Variants in WIZ observed in about 807,000 individuals in gnomAD.
WIZ encodes the protein WIZ zinc finger.
Under a neutral mutation model 140.2 loss-of-function variants are expected in WIZ, and 25 were observed. That is an observed-to-expected ratio of 0.18 (90% confidence interval 0.13 to 0.25). The LOEUF (loss-of-function observed/expected upper bound fraction) is 0.25. Ranked by LOEUF, WIZ falls within the 10% of genes least tolerant of loss-of-function variation. The pLI, the probability that WIZ is intolerant of heterozygous loss-of-function variation, is 1.00. For synonymous variants in WIZ, 1,125 were observed against 1,154.3 expected (o/e 0.97, Z 0.51); for missense variants, 2,231 against 2,632.6 (o/e 0.85, Z 3.34).
At position 15,438,807 on chromosome 19, in the gene WIZ, C is replaced by T. The variant is rs61732028; in HGVS notation, c.2187G>A (p.Pro729=). 1.4e-5 allele frequency: 21 copies of T among 1,515,448 alleles called. No homozygotes were observed. Among genetic ancestry groups the T allele is most frequent in the Non-Finnish European group, 1.8e-5 (20 of 1,131,222 alleles). 93.9% of individuals were successfully genotyped at this position (1,515,448 alleles called of 1,614,324 possible). A position where few individuals can be genotyped will look rare whatever the true frequency, so the allele number is the denominator to read the frequency against. Residue 729 remains proline, a synonymous_variant, in exon 4 of 13, where the codon CCG becomes CCA. Transcript: ENST00000673675. ...FLLLDAPLGG[P]LGLDTLLDGD... The stretch of plus-strand genomic sequence containing the variant: ...CATCCAGGAGTGTGTCCAGCCCCAG[C>T]GGGCCGCCCAGCGGCGCGTCCAGGA...
intron 2 of WIZ, among the ~76,000 whole-genome samples, chr19:15,443,553 C>A (rs191723305): frequency 1.2e-4 from 19 of 152,336 alleles, no homozygotes; most frequent in African/African-American, 4.3e-4. Flanking sequence ...ACCTGCTATG[C>A]CTTCTGCCCA....
intron 6 of WIZ, 134 bp downstream of exon 6, chr19:15,430,878 C>A: frequency 1.7e-6 from 2 of 1,160,286 alleles, no homozygotes; most frequent in Non-Finnish European, 2.3e-6. Flanking sequence ...GAGTGCCAAC[C>A]TTGGTGCCTC....
rs1968961465 is a variant in WIZ, at chr19:15,428,018, C to G, written c.3814+92G>C. Reference sequence around the variant, plus strand: ...CCACTGCCAAGGGCCCCTGTCTACTCCCTGCCCCAGCAGGGAGGGGGCTGT... The same window carrying G: ...CCACTGCCAAGGGCCCCTGTCTACTGCCTGCCCCAGCAGGGAGGGGGCTGT... On this transcript the variant is annotated intron_variant, in intron 8 of 12. Transcript: ENST00000673675. This position sits in a 1 kb window ranked among gnomAD's most constrained non-coding sequence, Gnocchi z 6.4. The G allele has an allele frequency of 6.7e-7, 1 of 1,487,230 alleles. No homozygotes were observed. Among genetic ancestry groups the G allele is most frequent in the Non-Finnish European group, 8.9e-7 (1 of 1,124,922 alleles). 92.1% of individuals were successfully genotyped at this position (1,487,230 alleles called of 1,614,324 possible).
chr19:15,442,559 C>A lies in WIZ; in HGVS notation c.278+117G>T. 1 of 808,886 alleles carries A rather than the reference C, an allele frequency of 1.2e-6. No homozygotes were observed. 50.1% of individuals were successfully genotyped at this position (808,886 alleles called of 1,614,324 possible). A position where few individuals can be genotyped will look rare whatever the true frequency, so the allele number is the denominator to read the frequency against. On this transcript the variant is annotated intron_variant, in intron 3 of 12. Coordinates refer to ENST00000673675, the MANE Select transcript of WIZ (RefSeq NM_001371589.1). The surrounding 1 kb of genome is among the most constrained non-coding windows in gnomAD (Gnocchi z 5.5). ...TGCCGGGAGCTGACTCCTCCTCCTG[C>A]CTGGCCTCCTGATTCCCTCCTGTCC...
chr19:15,444,663 T>G (rs1599713254), intron 2 of WIZ, among the ~76,000 whole-genome samples: 2 of 152,042 alleles, frequency 1.3e-5, no homozygotes, highest in Non-Finnish European at 2.9e-5. Context: ...ATGGGGGTGT[T>G]GGAGAGGGCG....
At chr19:15,426,647 C>CAG (rs1968841263) in intron 9 of WIZ, among the ~76,000 whole-genome samples, 1 of 152,246 alleles carries the variant, frequency 6.6e-6, no homozygotes, top group Non-Finnish European at 1.5e-5. Context: ...CCCTACGCTC[C>CAG]TGCTGTAGCA....
chr19:15,439,215 C>T lies in WIZ; in HGVS notation c.1779G>A (p.Gln593=), dbSNP rs1348902933. ...STLASTPYSL[Q]LGRNKSTVHP... ...GGACGGTGCTTTTGTTTCTCCCGAGCTGTAAGGAGTAGGGGGTGGATGCTA... is the reference window on the plus strand; with the variant it reads ...GGACGGTGCTTTTGTTTCTCCCGAGTTGTAAGGAGTAGGGGGTGGATGCTA... The change falls in exon 4 of 13, where the codon CAG becomes CAA. Residue 593 remains glutamine (Q), a synonymous_variant. Transcript: ENST00000673675. This position sits in a 1 kb window ranked among gnomAD's most constrained non-coding sequence, Gnocchi z 7.0. 1 of 1,535,688 alleles carries T rather than the reference C, an allele frequency of 6.5e-7. No individual in the cohort carries two copies. The highest frequency in any genetic ancestry group is 2.0e-5 in the Admixed American group (1 of 50,926).
Position 15,439,229 on chromosome 19 carries a change from G to T in WIZ, c.1765C>A (p.Pro589Thr). ...LAFPSTLAST[P>T]YSLQLGRNKS... is the part of the protein sequence containing the mutation. The stretch of plus-strand genomic sequence containing the variant: ...TTTCTCCCGAGCTGTAAGGAGTAGG[G>T]GGTGGATGCTAGTGTGGAGGGAAAG... Residue 589 changes from proline to threonine, a missense_variant, in exon 4 of 13, where the codon CCC becomes ACC. Physicochemically the swap from Pro to Thr is conservative, Grantham distance 38 (BLOSUM62 -1). This residue lies in a region of WIZ where 475 missense variants were observed against 520.2 expected (regional missense o/e 0.91). Transcript: ENST00000673675. This position sits in a 1 kb window ranked among gnomAD's most constrained non-coding sequence, Gnocchi z 7.0. The T allele has an allele frequency of 6.5e-7, 1 of 1,535,752 alleles. No homozygotes were observed. The highest frequency in any genetic ancestry group is 8.7e-7 in the Non-Finnish European group (1 of 1,146,696).
Position 15,425,822 on chromosome 19 carries a change from AGGAGGGAGGAGGAGGGAGGAGGAGGAG to A in WIZ, c.4367-81_4367-55del, listed in dbSNP as rs1568290133. 63 of 34,164 alleles carry A rather than the reference AGGAGGGAGGAGGAGGGAGGAGGAGGAG, an allele frequency of 1.8e-3. 1 individual carries two copies. The highest frequency in any genetic ancestry group is 7.6e-3 in the Middle Eastern group (1 of 132). 2.1% of individuals were successfully genotyped at this position (34,164 alleles called of 1,614,324 possible). Reference sequence around the variant, plus strand: ...AGGAGGAGGAGGAGGAGGAGGGAGGAGGAGGGAGGAGGAGGGAGGAGGAGGAGGGAGGAGGGAGGAGGAGGAGGAGGA... The same window carrying A: ...AGGAGGAGGAGGAGGAGGAGGGAGGAGGAGGAGGGAGGAGGAGGAGGAGGA... On this transcript the variant is annotated intron_variant, in intron 9 of 12. Coordinates refer to ENST00000673675, the MANE Select transcript of WIZ (RefSeq NM_001371589.1).
chr19:15,430,101 C>CA lies in WIZ; in HGVS notation c.2912-13dup. On this transcript the variant is annotated splice_polypyrimidine_tract_variant and intron_variant, in intron 6 of 12. Transcript: ENST00000673675. ...GGTCAGGCTCTGGGCTGAAGGGCAA[C>CA]ACAGAGGCCGGGAGAGCAGGCTGTG... The CA allele has an allele frequency of 6.6e-7, 1 of 1,509,736 alleles. No homozygotes were observed. Among genetic ancestry groups the CA allele is most frequent in the African/African-American group, 1.4e-5 (1 of 72,706 alleles). 93.5% of individuals were successfully genotyped at this position (1,509,736 alleles called of 1,614,324 possible). A position where few individuals can be genotyped will look rare whatever the true frequency, so the allele number is the denominator to read the frequency against.
chr19:15,422,887 G>C lies in WIZ; in HGVS notation c.*189C>G. The C allele has an allele frequency of 1.2e-6, 1 of 804,702 alleles. No individual in the cohort carries two copies. Among genetic ancestry groups the C allele is most frequent in the Non-Finnish European group, 1.9e-6 (1 of 527,992 alleles). 49.8% of individuals were successfully genotyped at this position (804,702 alleles called of 1,614,324 possible). On this transcript the variant is annotated 3_prime_UTR_variant, in exon 13 of 13. Transcript: ENST00000673675. The stretch of plus-strand genomic sequence containing the variant: ...CACCCTGTGGCCCCAGAGTCCTCGG[G>C]CTGGGGGAAGGGCAGCTAGCTGGCT...
Position 15,439,131 on chromosome 19 carries a change from C to A in WIZ, c.1863G>T (p.Glu621Asp). ...RPWSEEEEEE[E>D]EEEDVVLTSE... is the part of the protein sequence containing the mutation. ...AGGTCAGCACTACATCCTCCTCCTC[C>A]TCCTCCTCCTCCTCCTCTTCGCTCC... The change falls in exon 4 of 13, where the codon GAG (glutamate) becomes GAT (aspartate). Residue 621 changes from glutamate to aspartate, a missense_variant. By Grantham distance (45) the Glu-to-Asp change is conservative. Coordinates refer to ENST00000673675, the MANE Select transcript of WIZ (RefSeq NM_001371589.1). The surrounding 1 kb of genome is among the most constrained non-coding windows in gnomAD (Gnocchi z 7.0). 1 of 1,001,840 alleles carries A rather than the reference C, an allele frequency of 1.0e-6. No individual in the cohort carries two copies. Among genetic ancestry groups the A allele is most frequent in the Non-Finnish European group, 1.4e-6 (1 of 721,942 alleles). 62.1% of individuals were successfully genotyped at this position (1,001,840 alleles called of 1,614,324 possible). A position where few individuals can be genotyped will look rare whatever the true frequency, so the allele number is the denominator to read the frequency against.
At chr19:15,433,431 A>C (rs893444433) in intron 5 of WIZ, 127 of 869,164 alleles carry the variant, frequency 1.5e-4, no homozygotes, top group Non-Finnish European at 1.4e-4. Flanking sequence ...TTGCAGCGCC[A>C]GTGCCCAGAC....
intron 5 of WIZ, chr19:15,433,443 T>C: frequency 1.3e-6 from 1 of 760,866 alleles, no homozygotes; most frequent in Non-Finnish European, 1.6e-6. Flanking sequence ...TGCCCAGACC[T>C]AGCCCTAATG....
rs1041599735 is a variant in WIZ at position 15,448,597 on chromosome 19, A to G, written c.-60-230T>C. Among the ~76,000 whole-genome samples the G allele has an allele frequency of 4.0e-5, 6 of 151,682 alleles. No individual in the cohort carries two copies. In the South Asian group the frequency reaches 1.2e-3, roughly 31 times the overall value. ...TCAATAACTCCTCCCCTTTATACAG[A>G]TCCTGCACTGCCTCAGTTTACCCAT... On this transcript the variant is annotated intron_variant, in intron 1 of 12. Coordinates refer to ENST00000673675, the MANE Select transcript of WIZ (RefSeq NM_001371589.1).
At position 15,428,485 on chromosome 19, in the gene WIZ, C is replaced by T. The variant is rs1474714166; in HGVS notation, c.3439G>A (p.Glu1147Lys). ...NLTLDSDGGR[E>K]LDCQLCGAWF... ...GCACCGCACAGCTGGCAGTCCAGCT[C>T]TCTGCCCCCGTCACTATCTAAAGCT... The change falls in exon 8 of 13, where the codon GAG (glutamate) becomes AAG (lysine). Residue 1147 changes from glutamate (E) to lysine (K), a missense_variant. Around this residue, in one of 15 missense-constraint regions of WIZ, gnomAD observed 39 missense variants for 74.9 expected, o/e 0.52. Coordinates refer to ENST00000673675, the MANE Select transcript of WIZ (RefSeq NM_001371589.1). This position sits in a 1 kb window ranked among gnomAD's most constrained non-coding sequence, Gnocchi z 6.4. 4 of 1,535,446 alleles carry T rather than the reference C, an allele frequency of 2.6e-6. No homozygotes were observed. In the Admixed American group the frequency reaches 5.9e-5, roughly 23 times the overall value.
In WIZ at chr19:15,422,015, C is replaced by G. The variant is rs1968401379; in HGVS notation, c.*1061G>C. ...CATGGCGCTCTGGACAGAGGAGGCCCCGATCCCAGCCCCGGCTGCCAGCCA... is the reference window on the plus strand; with the variant it reads ...CATGGCGCTCTGGACAGAGGAGGCCGCGATCCCAGCCCCGGCTGCCAGCCA... On this transcript the variant is annotated 3_prime_UTR_variant, in exon 13 of 13. Coordinates refer to ENST00000673675, the MANE Select transcript of WIZ (RefSeq NM_001371589.1). 6.6e-6 allele frequency: 1 copy of G among 152,248 alleles called. No homozygotes were observed. The highest frequency in any genetic ancestry group is 1.5e-5 in the Non-Finnish European group (1 of 68,046). The allele number at this position is 152,248 out of a possible 1,614,324, so 9.4% of individuals were successfully genotyped here. A position where few individuals can be genotyped will look rare whatever the true frequency, so the allele number is the denominator to read the frequency against.
At position 15,424,838 on chromosome 19, in the gene WIZ, C is replaced by A. The variant is rs200571537; in HGVS notation, c.5089G>T (p.Gly1697Cys). ...VGAYRSYIQG[G>C]RPFTKKFRSA... Reference sequence around the variant, plus strand: ...CGGAACTTCTTGGTGAAGGGGCGGCCGCCCTGGATGTAGCTGCGGTAGGCG... The same window carrying A: ...CGGAACTTCTTGGTGAAGGGGCGGCAGCCCTGGATGTAGCTGCGGTAGGCG... The change falls in exon 11 of 13, where the codon GGC becomes TGC. Residue 1697 changes from glycine to cysteine, a missense_variant. Gly to Cys is a radical substitution (Grantham distance 159). Coordinates refer to ENST00000673675, the MANE Select transcript of WIZ (RefSeq NM_001371589.1). The surrounding 1 kb of genome is among the most constrained non-coding windows in gnomAD (Gnocchi z 9.7). 12 of 1,610,490 alleles carry A rather than the reference C, an allele frequency of 7.5e-6. No homozygotes were observed. In the Admixed American group the frequency reaches 2.0e-4, roughly 27 times the overall value.
chr19:15,437,717 A>C (rs1367193647), intron 4 of WIZ, among the ~76,000 whole-genome samples: 1 of 152,234 alleles, frequency 6.6e-6, no homozygotes, highest in Non-Finnish European at 1.5e-5. Context: ...ATCATCTATG[A>C]GAGTATTTGA....
Sources: gnomAD v4.1 joint callset for allele counts (sites outside exome capture counted in the v4.1 genomes callset) on GRCh38, gnomAD v4.1.1 for gene constraint, gnomAD v4.1.1 regional missense constraint, Gnocchi (gnomAD v3.1) non-coding constraint, MANE v1.5 for transcripts, NCBI Gene and HGNC (gene_info 2026-07-23, HGNC 2026-07-21) for gene names.